Variants in TMTC2 observed in about 807,000 individuals in gnomAD.
TMTC2 encodes protein O-mannosyl-transferase TMTC2.
In TMTC2, 43 loss-of-function variants were observed where a neutral mutation model predicts 82.4. The ratio of observed to expected loss-of-function variants is 0.52; its 90% CI spans 0.41 to 0.67. The LOEUF (loss-of-function observed/expected upper bound fraction) is 0.67, where lower values mean the gene tolerates loss of function less well. Among genes scored for constraint, TMTC2 ranks in the 30% least tolerant of loss-of-function variants. The probability of loss-of-function intolerance (pLI) is 0.00; values close to 1 mark genes in which losing one functional copy is unlikely to be tolerated. For missense variants in TMTC2, 919 were observed against 1,012.4 expected (o/e 0.91, Z 1.25); for synonymous variants, 408 against 381.9 (o/e 1.07, Z -0.80).
intron 8 of TMTC2, among the ~76,000 whole-genome samples, chr12:83,001,411 G>C (rs1879915063): frequency 6.6e-6 from 1 of 152,038 alleles, no homozygotes; most frequent in Non-Finnish European, 1.5e-5. Flanking sequence ...GCCGAGGTGG[G>C]TGGGTCACCT....
intron 4 of TMTC2, among the ~76,000 whole-genome samples, chr12:82,940,014 C>CTTTTTTTTTTTTTTTTTTTTTTTTA (rs71309537): frequency 2.2e-5 from 2 of 91,264 alleles, no homozygotes; most frequent in Non-Finnish European, 4.3e-5. Context: ...TCTTTCTTTA[C>CTTTTTTTTTTTTTTTTTTTTTTTTA]TTTTTTTTTT....
chr12:82,719,688 T>TC (rs1874107998), intron 1 of TMTC2, among the ~76,000 whole-genome samples: 1 of 148,416 alleles, frequency 6.7e-6, no homozygotes, highest in South Asian at 2.2e-4. Context: ...TTTTTTTTTT[T>TC]CGTAATGTCA....
At position 82,965,086 on chromosome 12, in the gene TMTC2, T is replaced by C. The variant is rs768125522; in HGVS notation, c.1661T>C (p.Ile554Thr). 1.6e-5 allele frequency: 25 copies of C among 1,611,780 alleles called. No individual in the cohort carries two copies. In the East Asian group the frequency reaches 2.5e-4, roughly 16 times the overall value. The change falls in exon 5 of 12, where the codon ATT becomes ACT. Residue 554 changes from isoleucine to threonine, a missense_variant. Transcript: ENST00000321196. ...GCACTACATTATTATAAATTGGCCATTGGGAGCAGGCCTACCCTGGCTTGT... is the reference window on the plus strand; with the variant it reads ...GCACTACATTATTATAAATTGGCCACTGGGAGCAGGCCTACCCTGGCTTGT... The part of the protein sequence containing the change: ...AEALHYYKLA[I>T]GSRPTLASAY...
intron 8 of TMTC2, among the ~76,000 whole-genome samples, chr12:82,991,576 T>G (rs1470503904): frequency 6.6e-6 from 1 of 152,146 alleles, no homozygotes; most frequent in Non-Finnish European, 1.5e-5. Context: ...GCCTCCATGT[T>G]TAAATATAGT....
At position 82,829,595 on chromosome 12, in the gene TMTC2, C is replaced by T. The variant is rs74347648; in HGVS notation, c.84-27415C>T. 4.7e-3 allele frequency among the ~76,000 whole-genome samples: 711 copies of T among 152,222 alleles called. 8 individuals carry two copies. Among genetic ancestry groups the T allele is most frequent in the African/African-American group, 0.016 (673 of 41,546 alleles). ...CCACCTCTATGATAGATACTAGTAC[C>T]AATAAACATGCTATTAGCTAATTTT... On this transcript the variant is annotated intron_variant, in intron 1 of 11. Transcript: ENST00000321196.
At chr12:83,126,891 A>G (rs1885113663) in intron 11 of TMTC2, among the ~76,000 whole-genome samples, 1 of 152,150 alleles carries the variant, frequency 6.6e-6, no homozygotes, top group East Asian at 1.9e-4. Flanking sequence ...AAATAAATAC[A>G]AAGAGATCCA....
chr12:82,995,337 T>TAC (rs59534444), intron 8 of TMTC2, among the ~76,000 whole-genome samples: 114,507 of 150,108 alleles, frequency 0.76, 45,072 homozygotes, highest in South Asian at 0.93. Context: ...CACACACACA[T>TAC]ACACACACAC....
chr12:82,957,526 G>A (rs1877680812), intron 4 of TMTC2, among the ~76,000 whole-genome samples: 1 of 151,918 alleles, frequency 6.6e-6, no homozygotes, highest in East Asian at 1.9e-4. Context: ...AATAACAAAA[G>A]TCAAAACAGA....
At chr12:82,745,127 C>T (rs561805102) in intron 1 of TMTC2, among the ~76,000 whole-genome samples, 2 of 152,070 alleles carry the variant, frequency 1.3e-5, no homozygotes, top group African/African-American at 4.8e-5. Flanking sequence ...TCTTGAAAGA[C>T]ACAACAGGGA....
chr12:82,887,551 A>G (rs1873163463), intron 2 of TMTC2, among the ~76,000 whole-genome samples: 2 of 152,146 alleles, frequency 1.3e-5, no homozygotes, highest in African/African-American at 2.4e-5. Flanking sequence ...TCATTAAGCT[A>G]TAGTTATATA....
chr12:83,103,034 A>G (rs549611950), intron 11 of TMTC2, among the ~76,000 whole-genome samples: 1 of 152,316 alleles, frequency 6.6e-6, no homozygotes, highest in South Asian at 2.1e-4. Flanking sequence ...AGAAAGAGAT[A>G]AGAAGTACCT....
intron 1 of TMTC2, among the ~76,000 whole-genome samples, chr12:82,718,687 A>C (rs1359138136): frequency 1.3e-5 from 2 of 152,280 alleles, no homozygotes; most frequent in African/African-American, 2.4e-5. Flanking sequence ...ATGAGCAAAA[A>C]TTCATATGGT....
intron 1 of TMTC2, among the ~76,000 whole-genome samples, chr12:82,838,116 CCTT>C (rs1428272296): frequency 2.6e-5 from 4 of 152,266 alleles, no homozygotes; most frequent in African/African-American, 7.2e-5. Context: ...ACTTCCCTAT[CCTT>C]CTTCTCCCCT....
rs373734709 is a variant in TMTC2 at position 83,130,097 on chromosome 12, A to G, written c.2332-2113A>G. 1.1e-3 allele frequency among the ~76,000 whole-genome samples: 160 copies of G among 152,318 alleles called. 1 individual carries two copies. The highest frequency in any genetic ancestry group is 3.5e-3 in the African/African-American group (147 of 41,574). On this transcript the variant is annotated intron_variant, in intron 11 of 11. Transcript: ENST00000321196. ...TTCTGGATAGTAAGGAATGGTCTCC[A>G]ACAGTGGTTCTCCCTCCCTATTTCC... is the stretch of plus-strand genomic sequence containing the variant.
At chr12:83,115,912 G>A (rs377304751) in intron 11 of TMTC2, among the ~76,000 whole-genome samples, 12 of 151,996 alleles carry the variant, frequency 7.9e-5, no homozygotes, top group East Asian at 1.9e-4. Context: ...CTCAGCCTCC[G>A]TAGTAGCTGG....
At chr12:83,101,878 G>A (rs11115589) in intron 11 of TMTC2, among the ~76,000 whole-genome samples, 6,719 of 152,272 alleles carry the variant, frequency 0.044, 496 homozygotes, top group African/African-American at 0.15. Context: ...GGAAGATCTA[G>A]GGGCTTTGTA....
intron 8 of TMTC2, among the ~76,000 whole-genome samples, chr12:83,007,995 A>C (rs1297296175): frequency 6.6e-6 from 1 of 152,174 alleles, no homozygotes; most frequent in East Asian, 1.9e-4. Context: ...TGTAATTCGC[A>C]ACCTTATCCA....
At chr12:82,824,616 G>C (rs1306669446) in intron 1 of TMTC2, among the ~76,000 whole-genome samples, 1 of 152,194 alleles carries the variant, frequency 6.6e-6, no homozygotes, top group Non-Finnish European at 1.5e-5. Flanking sequence ...TTATATGCCT[G>C]TAACATTTAG....
intron 1 of TMTC2, among the ~76,000 whole-genome samples, chr12:82,692,752 C>T (rs560216462): frequency 2.0e-5 from 3 of 152,272 alleles, no homozygotes; most frequent in East Asian, 3.9e-4. Context: ...AGGAAAGGAA[C>T]GGTGGGTTAT....
Sources: gnomAD v4.1 joint callset for allele counts (sites outside exome capture counted in the v4.1 genomes callset) on GRCh38, gnomAD v4.1.1 for gene constraint, MANE v1.5 for transcripts, NCBI Gene and HGNC (gene_info 2026-07-23, HGNC 2026-07-21) for gene names.